ARID4A: variants seen among roughly 807,000 people sequenced by gnomAD.
ARID4A encodes the protein AT-rich interaction domain 4A.
ARID4A carries 39 observed loss-of-function variants against 148.6 expected under a neutral mutation model. The ratio of observed to expected loss-of-function variants is 0.26; its 90% CI spans 0.20 to 0.34. The LOEUF (loss-of-function observed/expected upper bound fraction) is 0.34. Among genes scored for constraint, ARID4A ranks in the 10% least tolerant of loss-of-function variants. The pLI, the probability that ARID4A is intolerant of heterozygous loss-of-function variation, is 1.00. For missense variants in ARID4A, 1,265 were observed against 1,449.1 expected (o/e 0.87, Z 2.06); for synonymous variants, 475 against 481.2 (o/e 0.99, Z 0.17).
chr14:58,302,754 G>A (rs1482373506), intron 3 of ARID4A, among the ~76,000 whole-genome samples: 1 of 151,942 alleles, frequency 6.6e-6, no homozygotes, highest in Non-Finnish European at 1.5e-5. Context: ...AGGAATTCAA[G>A]ACCAGCCTGG....
chr14:58,342,506 G>A (rs1383566336), intron 11 of ARID4A, among the ~76,000 whole-genome samples: 2 of 152,168 alleles, frequency 1.3e-5, no homozygotes, highest in Admixed American at 6.5e-5. Flanking sequence ...CAATTGATGA[G>A]TTGATTTTGT....
intron 14 of ARID4A, 114 bp from the exon 15 acceptor site, chr14:58,347,533 A>T: frequency 2.6e-6 from 2 of 772,844 alleles, no homozygotes; most frequent in Non-Finnish European, 3.9e-6. Flanking sequence ...GAAAAGAGTA[A>T]CAAAAATTTT....
chr14:58,321,575 G>T (rs1828124147), intron 7 of ARID4A, among the ~76,000 whole-genome samples: 1 of 152,000 alleles, frequency 6.6e-6, no homozygotes, highest in South Asian at 2.1e-4. Flanking sequence ...TTCTACAAGG[G>T]TCCCTCATTT....
At chr14:58,333,678 G>A (rs1364310209) in intron 11 of ARID4A, among the ~76,000 whole-genome samples, 1 of 151,938 alleles carries the variant, frequency 6.6e-6, no homozygotes, top group Non-Finnish European at 1.5e-5. Context: ...ACTTGAGTTT[G>A]TTTACTCATG....
chr14:58,308,899 A>G (rs1243424292), intron 5 of ARID4A, among the ~76,000 whole-genome samples: 1 of 152,212 alleles, frequency 6.6e-6, no homozygotes. Context: ...AAACAAGAGG[A>G]TACCACATTG....
chr14:58,341,872 A>G (rs2034133509), intron 11 of ARID4A, among the ~76,000 whole-genome samples: 1 of 152,244 alleles, frequency 6.6e-6, no homozygotes, highest in Non-Finnish European at 1.5e-5. Flanking sequence ...GTATAAATGT[A>G]AATGACTAAA....
intron 11 of ARID4A, chr14:58,331,298 G>A (rs1193984559): frequency 6.6e-6 from 1 of 152,212 alleles, no homozygotes; most frequent in Non-Finnish European, 1.5e-5. Flanking sequence ...ATGGAGGTTT[G>A]CCAGATGCTT....
chr14:58,327,749 G>A (rs919086334), intron 8 of ARID4A, among the ~76,000 whole-genome samples: 9 of 151,972 alleles, frequency 5.9e-5, no homozygotes, highest in Non-Finnish European at 8.8e-5. Flanking sequence ...TTGGCTCACC[G>A]CAGCCTCCAC....
In ARID4A at chr14:58,347,836, CAGTGAA is replaced by C; in HGVS notation, c.1371_1376del (p.Ser457_Glu458del). ...AACCTGAGGAAAATATCGATTCAAA[CAGTGAA>C]AGTGAAAGAGAAGAGATAGAATTAA... On this transcript the variant is annotated inframe_deletion, in exon 15 of 24. Transcript: ENST00000355431. The C allele has an allele frequency of 1.9e-6, 3 of 1,613,308 alleles. No individual in the cohort carries two copies. Among genetic ancestry groups the C allele is most frequent in the South Asian group, 1.1e-5 (1 of 91,026 alleles).
At chr14:58,308,028 G>T (rs2031745512) in intron 5 of ARID4A, among the ~76,000 whole-genome samples, 1 of 151,792 alleles carries the variant, frequency 6.6e-6, no homozygotes, top group African/African-American at 2.4e-5. Flanking sequence ...GATAAAATGC[G>T]CATGCTCTAT....
In ARID4A at chr14:58,371,737, T is replaced by C. The variant is rs112353014; in HGVS notation, c.3671-149T>C. ...CACTTAATTGAGCCAAACAAAATTTTTGCTGACAATTTGTTACTCCTTCAT... is the reference window on the plus strand; with the variant it reads ...CACTTAATTGAGCCAAACAAAATTTCTGCTGACAATTTGTTACTCCTTCAT... On this transcript the variant is annotated intron_variant, in intron 23 of 23. Transcript: ENST00000355431. The C allele has an allele frequency of 2.6e-3, 1,769 of 668,582 alleles. 30 individuals are homozygous for C. In the African/African-American group the frequency reaches 0.028, roughly 11 times the overall value. 41.4% of individuals were successfully genotyped at this position (668,582 alleles called of 1,614,324 possible).
Position 58,299,819 on chromosome 14 carries a change from CT to C in ARID4A, c.-35del. 1 of 1,614,206 alleles carries C rather than the reference CT, an allele frequency of 6.2e-7. No homozygotes were observed. The highest frequency in any genetic ancestry group is 8.5e-7 in the Non-Finnish European group (1 of 1,180,022). The stretch of plus-strand genomic sequence containing the variant: ...ATAGTTCTAGCGACTGCGAAGATAG[CT>C]CGCTGAGCTGGAACCCCACAGATCA... On this transcript the variant is annotated 5_prime_UTR_variant, in exon 2 of 24. Transcript: ENST00000355431.
intron 12 of ARID4A, among the ~76,000 whole-genome samples, chr14:58,345,214 C>T (rs1421781290): frequency 3.9e-5 from 6 of 152,096 alleles, no homozygotes; most frequent in Non-Finnish European, 7.4e-5. Context: ...GAATCAGTTA[C>T]ACCTGACAGT....
chr14:58,310,601 C>T (rs1379036262), intron 5 of ARID4A, among the ~76,000 whole-genome samples: 1 of 151,856 alleles, frequency 6.6e-6, no homozygotes, highest in African/African-American at 2.4e-5. Context: ...TCATCTCACT[C>T]GATATACAAA....
chr14:58,372,156 T>C lies in ARID4A; in HGVS notation c.*167T>C, dbSNP rs1322635058. The stretch of plus-strand genomic sequence containing the variant: ...TTCCCCTCTCTCTTCTTTTTTCTTG[T>C]TGCAAAAAATAAGCTGATTAATAAG... On this transcript the variant is annotated 3_prime_UTR_variant, in exon 24 of 24. Coordinates refer to ENST00000355431, the MANE Select transcript of ARID4A (RefSeq NM_002892.4). 3.8e-6 allele frequency: 2 copies of C among 528,702 alleles called. No individual in the cohort carries two copies. The highest frequency in any genetic ancestry group is 6.7e-6 in the Non-Finnish European group (2 of 300,090). 32.8% of individuals were successfully genotyped at this position (528,702 alleles called of 1,614,324 possible). A position where few individuals can be genotyped will look rare whatever the true frequency, so the allele number is the denominator to read the frequency against.
intron 15 of ARID4A, among the ~76,000 whole-genome samples, chr14:58,350,100 TAAAAAAAAAAAAA>T (rs758927898): frequency 1.2e-5 from 1 of 83,802 alleles, no homozygotes; most frequent in Non-Finnish European, 2.4e-5. Flanking sequence ...GACTCTGTCT[TAAAAAAAAAAAAA>T]AAAAAAAAAA....
At chr14:58,322,949 C>T (rs1281871599) in intron 7 of ARID4A, among the ~76,000 whole-genome samples, 3 of 112,202 alleles carry the variant, frequency 2.7e-5, no homozygotes, top group East Asian at 2.4e-4. Flanking sequence ...GGTGACAAAG[C>T]GAGACTCCAT....
At position 58,354,346 on chromosome 14, in the gene ARID4A, C is replaced by T. The variant is rs368912492; in HGVS notation, c.1853+491C>T. 3.9e-5 allele frequency among the ~76,000 whole-genome samples: 6 copies of T among 152,136 alleles called. 1 individual carries two copies. Among genetic ancestry groups the T allele is most frequent in the Admixed American group, 6.5e-5 (1 of 15,276 alleles). ...AAGTCGACTAATTAATAAAAAAGAA[C>T]GTTAGAACTTACATTTGATCTTCCG... On this transcript the variant is annotated intron_variant, in intron 17 of 23. Transcript: ENST00000355431.
intron 19 of ARID4A, among the ~76,000 whole-genome samples, chr14:58,362,887 T>C (rs993733792): frequency 1.3e-5 from 2 of 152,176 alleles, no homozygotes; most frequent in African/African-American, 4.8e-5. Context: ...ATGGTTGTCT[T>C]ATATAAAAAT....
Sources: gnomAD v4.1 joint callset for allele counts (sites outside exome capture counted in the v4.1 genomes callset) on GRCh38, gnomAD v4.1.1 for gene constraint, MANE v1.5 for transcripts, NCBI Gene and HGNC (gene_info 2026-07-23, HGNC 2026-07-21) for gene names.